DPP6: variants seen among roughly 807,000 people sequenced by gnomAD.
The protein encoded by DPP6 is dipeptidyl peptidase like 6.
A neutral mutation model predicts 122.6 loss-of-function variants in DPP6; 69 were observed. The observed-to-expected ratio is 0.56, with a 90% CI of 0.46 to 0.69. DPP6 has a LOEUF of 0.69. Among genes scored for constraint, DPP6 ranks in the 30% least tolerant of loss-of-function variants. DPP6 has a pLI of 0.00. For missense variants in DPP6, 928 were observed against 1,116.9 expected, an observed-to-expected ratio of 0.83 and a Z score of 2.41; for synonymous variants, 418 against 433.1, an observed-to-expected ratio of 0.97 and a Z score of 0.43.
chr7:154,124,965 C>T (rs984692607), intron 1 of DPP6, among the ~76,000 whole-genome samples: 5 of 152,174 alleles, frequency 3.3e-5, no homozygotes, highest in African/African-American at 4.8e-5. Flanking sequence ...GGAGAGGGCC[C>T]TTAGAGATCC....
intron 1 of DPP6, among the ~76,000 whole-genome samples, chr7:153,946,612 ACCT>A (rs1190582215): frequency 3.3e-5 from 5 of 151,896 alleles, no homozygotes; most frequent in Non-Finnish European, 7.4e-5. Flanking sequence ...AGAGCACCTA[ACCT>A]CCTGGGAATG....
intron 1 of DPP6, chr7:154,094,140 ACTC>A (rs1276481377): frequency 1.3e-5 from 2 of 152,210 alleles, no homozygotes; most frequent in East Asian, 3.9e-4. Context: ...CCCCGGGAGA[ACTC>A]CTCCTTGAGG....
chr7:154,458,870 C>G (rs1215710395), intron 2 of DPP6, among the ~76,000 whole-genome samples: 1 of 152,196 alleles, frequency 6.6e-6, no homozygotes, highest in East Asian at 1.9e-4. Context: ...GCTCCTAGCT[C>G]AGCTCTCTAG....
At chr7:154,145,771 C>A (rs1326923749) in intron 1 of DPP6, among the ~76,000 whole-genome samples, 1 of 59,522 alleles carries the variant, frequency 1.7e-5, no homozygotes, top group Non-Finnish European at 3.6e-5. Flanking sequence ...GCCTGAACTG[C>A]AAGGGTCCAC....
At chr7:154,885,428 G>T (rs539371979) in intron 21 of DPP6, 2 of 628,232 alleles carry the variant, frequency 3.2e-6, no homozygotes, top group Non-Finnish European at 5.3e-6. Flanking sequence ...CGGAGAAGGC[G>T]CACGTCGCAT....
rs10269820 is a variant in DPP6 at position 154,530,964 on chromosome 7, T to C, written c.458-9568T>C. Among the ~76,000 whole-genome samples, 822 of 152,090 alleles carry C rather than the reference T, an allele frequency of 5.4e-3. 8 individuals carry two copies. The highest frequency in any genetic ancestry group is 0.019 in the African/African-American group (782 of 41,492). ...TGAACAGTGAGAACATATGGACACA[T>C]TGCAGGGAACAACACACACTGGGGC... On this transcript the variant is annotated intron_variant, in intron 3 of 25. Coordinates refer to ENST00000377770, the MANE Select transcript of DPP6 (RefSeq NM_130797.4).
chr7:154,147,511 T>A (rs1796164047), intron 1 of DPP6, among the ~76,000 whole-genome samples: 1 of 151,760 alleles, frequency 6.6e-6, no homozygotes, highest in Admixed American at 6.6e-5. Flanking sequence ...TGTCGGAGTC[T>A]TACTCTCGCT....
At chr7:153,898,788 T>C (rs992219569) in intron 1 of DPP6, among the ~76,000 whole-genome samples, 5 of 152,210 alleles carry the variant, frequency 3.3e-5, no homozygotes, top group Non-Finnish European at 7.3e-5. Flanking sequence ...AAAACCAGCC[T>C]TATTTCTACT....
rs535608305 is a variant in DPP6 at position 154,819,435 on chromosome 7, T to A, written c.1666+12323T>A. ...TGTCTCAATAAATAAATAAATTAAT[T>A]AATTAATTAATTCAACTCAATAAAT... On this transcript the variant is annotated intron_variant, in intron 16 of 25. Transcript: ENST00000377770. Among the ~76,000 whole-genome samples the A allele has an allele frequency of 1.1e-3, 170 of 152,148 alleles. 1 individual carries two copies. Among genetic ancestry groups the A allele is most frequent in the African/African-American group, 3.5e-3 (145 of 41,500 alleles).
At chr7:153,854,962 A>G in the DPP6 span, among the ~76,000 whole-genome samples, 1 of 146,196 alleles carries the variant, frequency 6.8e-6, no homozygotes, top group Admixed American at 6.8e-5. Context: ...ATTGGAAATC[A>G]TCATTCTCAG....
chr7:154,391,422 C>A (rs1391772507), intron 1 of DPP6, among the ~76,000 whole-genome samples: 1 of 152,190 alleles, frequency 6.6e-6, no homozygotes, highest in Non-Finnish European at 1.5e-5. Context: ...CTCTCCTAAT[C>A]CCCTACTTGG....
chr7:154,349,637 A>G (rs1313213456), intron 1 of DPP6, among the ~76,000 whole-genome samples: 1 of 152,148 alleles, frequency 6.6e-6, no homozygotes, highest in Non-Finnish European at 1.5e-5. Context: ...TCTCCTGGAG[A>G]TTGTTGTGAA....
intron 10 of DPP6, 123 bp downstream of exon 10, chr7:154,773,065 CT>C (rs1796342967): frequency 5.5e-6 from 7 of 1,278,728 alleles, no homozygotes; most frequent in Non-Finnish European, 7.1e-6. Flanking sequence ...AAAAAGGTAC[CT>C]TTCCTAAAGA....
intron 1 of DPP6, among the ~76,000 whole-genome samples, chr7:154,423,723 C>G (rs754357718): frequency 3.3e-5 from 5 of 152,142 alleles, no homozygotes; most frequent in Non-Finnish European, 7.4e-5. Context: ...GTTTTATTGT[C>G]AAAATGTATC....
At chr7:154,058,130 C>A (rs1801040180) in intron 1 of DPP6, 10 of 26,576 alleles carry the variant, frequency 3.8e-4, no homozygotes, top group Admixed American at 3.2e-3. Context: ...ACCCCTCTTC[C>A]CCCCCCTGGC....
At chr7:154,453,686 C>A (rs894022213) in intron 2 of DPP6, among the ~76,000 whole-genome samples, 1 of 152,076 alleles carries the variant, frequency 6.6e-6, no homozygotes, top group Admixed American at 6.5e-5. Flanking sequence ...GAAAGCCCCC[C>A]AGGCCCTTCC....
intron 1 of DPP6, among the ~76,000 whole-genome samples, chr7:154,064,138 C>G (rs1221908075): frequency 3.9e-5 from 6 of 152,150 alleles, no homozygotes; most frequent in Non-Finnish European, 8.8e-5. Flanking sequence ...GGAGGGGACA[C>G]TCATCTACCC....
intron 1 of DPP6, chr7:154,305,469 G>C (rs550903644): frequency 3.2e-6 from 5 of 1,578,784 alleles, no homozygotes; most frequent in East Asian, 2.3e-5. Context: ...CACCTGCCCC[G>C]GTGGTGGGAA....
Position 154,889,450 on chromosome 7 carries a change from T to G in DPP6, c.2378-7T>G, listed in dbSNP as rs879069587. 3.5e-5 allele frequency: 54 copies of G among 1,532,628 alleles called. No individual in the cohort carries two copies. The South Asian group carries it at 6.6e-4, about 19-fold the overall frequency. The allele number at this position is 1,532,628 out of a possible 1,614,324, so 94.9% of individuals were successfully genotyped here. A position where few individuals can be genotyped will look rare whatever the true frequency, so the allele number is the denominator to read the frequency against. On this transcript the variant is annotated splice_polypyrimidine_tract_variant and splice_region_variant and intron_variant, in intron 24 of 25. Transcript: ENST00000377770. ...TTCCTCTCTTTTTTTTTTTTTTTTTTGCACAGAAAAAATTCATTTCCAGCA... is the reference window on the plus strand; with the variant it reads ...TTCCTCTCTTTTTTTTTTTTTTTTTGGCACAGAAAAAATTCATTTCCAGCA...
Sources: gnomAD v4.1 joint callset for allele counts (sites outside exome capture counted in the v4.1 genomes callset) on GRCh38, gnomAD v4.1.1 for gene constraint, MANE v1.5 for transcripts, NCBI Gene and HGNC (gene_info 2026-07-23, HGNC 2026-07-21) for gene names.